Variants in SNX13 observed in about 807,000 individuals in gnomAD.
SNX13 encodes the protein sorting nexin 13.
SNX13 carries 45 observed loss-of-function variants against 133.6 expected under a neutral mutation model. That is an observed-to-expected ratio of 0.34 (90% CI 0.27 to 0.43). SNX13 has a LOEUF of 0.43. Among genes scored for constraint, SNX13 ranks in the 20% least tolerant of loss-of-function variants. SNX13 has a pLI of 1.00. For synonymous variants in SNX13, 414 were observed against 373.9 expected, an observed-to-expected ratio of 1.11 and a Z score of -1.24; for missense variants, 1,032 against 1,145.1, an observed-to-expected ratio of 0.90 and a Z score of 1.43.
At chr7:17,894,251 C>T (rs1211644773) in intron 2 of SNX13, among the ~76,000 whole-genome samples, 1 of 150,726 alleles carries the variant, frequency 6.6e-6, no homozygotes. Flanking sequence ...TGCAGTGAGC[C>T]GAGATCGCGC....
intron 1 of SNX13, among the ~76,000 whole-genome samples, chr7:17,903,324 T>A (rs950133223): frequency 3.9e-5 from 6 of 152,214 alleles, no homozygotes; most frequent in Non-Finnish European, 8.8e-5. Flanking sequence ...CAATTATATA[T>A]TTATAATTTT....
intron 19 of SNX13, among the ~76,000 whole-genome samples, chr7:17,815,676 A>G (rs564870679): frequency 1.3e-5 from 2 of 152,334 alleles, no homozygotes; most frequent in Admixed American, 1.3e-4. Flanking sequence ...GGAAGCCCCA[A>G]ACAAAACACT....
intron 8 of SNX13, among the ~76,000 whole-genome samples, chr7:17,870,756 T>A (rs1341463596): frequency 6.6e-6 from 1 of 152,206 alleles, no homozygotes; most frequent in Non-Finnish European, 1.5e-5. Context: ...ACAGATATAA[T>A]CTCTGTCCTC....
At chr7:17,831,373 A>C (rs1206244592) in intron 15 of SNX13, 1 of 842,898 alleles carries the variant, frequency 1.2e-6, no homozygotes, top group Non-Finnish European at 1.4e-6. Flanking sequence ...TGTTTTAATA[A>C]AGGAGAAAAT....
chr7:17,905,940 G>A (rs1798350676), intron 1 of SNX13, among the ~76,000 whole-genome samples: 1 of 151,886 alleles, frequency 6.6e-6, no homozygotes, highest in African/African-American at 2.4e-5. Flanking sequence ...TGAGTAGCTG[G>A]GACTACCAGC....
At chr7:17,818,605 CA>C (rs1583352196) in intron 18 of SNX13, among the ~76,000 whole-genome samples, 1 of 151,966 alleles carries the variant, frequency 6.6e-6, no homozygotes, top group African/African-American at 2.4e-5. Context: ...TCCCCTCTGC[CA>C]AAAATTCATG....
At chr7:17,875,302 A>C (rs1794597178) in intron 7 of SNX13, among the ~76,000 whole-genome samples, 178 bp downstream of exon 7, 1 of 152,122 alleles carries the variant, frequency 6.6e-6, no homozygotes, top group Non-Finnish European at 1.5e-5. Flanking sequence ...ACCTTTAAAG[A>C]AGAAAACAGA....
At chr7:17,886,224 C>T (rs1335731859) in intron 5 of SNX13, among the ~76,000 whole-genome samples, 1 of 152,220 alleles carries the variant, frequency 6.6e-6, no homozygotes, top group East Asian at 1.9e-4. Flanking sequence ...ATCTATCCCT[C>T]CTCCCTCTAC....
At chr7:17,919,832 C>A (rs1027262303) in intron 1 of SNX13, among the ~76,000 whole-genome samples, 1 of 152,124 alleles carries the variant, frequency 6.6e-6, no homozygotes, top group African/African-American at 2.4e-5. Flanking sequence ...CACTCAGCTA[C>A]TAAAAGTTTA....
intron 9 of SNX13, 104 bp from the exon 10 acceptor site, chr7:17,851,068 T>C: frequency 8.4e-7 from 1 of 1,191,762 alleles, no homozygotes; most frequent in Non-Finnish European, 1.2e-6. Context: ...TGCTACATAC[T>C]CAGTGCTTAC....
At chr7:17,903,975 G>A (rs2062384267) in intron 1 of SNX13, among the ~76,000 whole-genome samples, 1 of 152,062 alleles carries the variant, frequency 6.6e-6, no homozygotes, top group South Asian at 2.1e-4. Flanking sequence ...ATCTACCTGT[G>A]TTGGTTTGAA....
At chr7:17,934,435 T>C (rs1255322283) in intron 1 of SNX13, among the ~76,000 whole-genome samples, 2 of 152,212 alleles carry the variant, frequency 1.3e-5, no homozygotes, top group Non-Finnish European at 2.9e-5. Context: ...AGCATTCCTT[T>C]GGATGTGTCT....
chr7:17,839,473 T>C (rs1401364607), intron 13 of SNX13, among the ~76,000 whole-genome samples: 1 of 151,940 alleles, frequency 6.6e-6, no homozygotes. Flanking sequence ...CATTTAAACA[T>C]ATATACGTTT....
intron 1 of SNX13, among the ~76,000 whole-genome samples, chr7:17,922,745 A>T (rs1025730393): frequency 2.6e-5 from 3 of 117,338 alleles, no homozygotes; most frequent in African/African-American, 1.2e-4. Flanking sequence ...GTAGCAATAA[A>T]CAAAAACTAC....
At chr7:17,850,548 T>A (rs1791084072) in intron 10 of SNX13, 113 bp from the exon 11 acceptor site, 3 of 673,262 alleles carry the variant, frequency 4.5e-6, no homozygotes, top group Non-Finnish European at 7.0e-6. Context: ...ACTGTTTTAG[T>A]CAATAAAAGA....
chr7:17,891,895 C>T (rs1159601178), intron 3 of SNX13, among the ~76,000 whole-genome samples: 1 of 152,020 alleles, frequency 6.6e-6, no homozygotes, highest in Non-Finnish European at 1.5e-5. Context: ...TACAGGTATG[C>T]TGCTGCCATA....
chr7:17,818,938 T>C (rs554787117), intron 18 of SNX13, among the ~76,000 whole-genome samples: 2 of 152,318 alleles, frequency 1.3e-5, no homozygotes, highest in East Asian at 1.9e-4. Flanking sequence ...TCTATACCTA[T>C]ACAGATTTCA....
At chr7:17,922,940 T>C (rs1190988239) in intron 1 of SNX13, among the ~76,000 whole-genome samples, 2 of 152,240 alleles carry the variant, frequency 1.3e-5, no homozygotes, top group African/African-American at 2.4e-5. Context: ...CTTTACTTAA[T>C]ACACTTTCAC....
chr7:17,844,338 A>G (rs73081354), intron 12 of SNX13, among the ~76,000 whole-genome samples: 2,573 of 152,208 alleles, frequency 0.017, 38 homozygotes, highest in Non-Finnish European at 0.028. Context: ...CAGAAAATCC[A>G]CCAAAACTAA....
Sources: allele counts gnomAD v4.1 joint callset (sites outside exome capture counted in the v4.1 genomes callset), GRCh38; gene constraint gnomAD v4.1.1; transcripts MANE v1.5; gene names NCBI Gene and HGNC (gene_info 2026-07-23, HGNC 2026-07-21).